The following TRAPPC2 variants were observed in gnomAD, a reference collection of about 807,000 sequenced individuals.
The protein encoded by TRAPPC2 is trafficking protein particle complex subunit 2.
In TRAPPC2, 4 loss-of-function variants were observed where a neutral mutation model predicts 10.0. The observed-to-expected ratio is 0.40, with a 90% CI of 0.20 to 0.92. TRAPPC2 has a LOEUF of 0.92. Among genes scored for constraint, TRAPPC2 ranks in the 40% least tolerant of loss-of-function variants. The pLI is 0.35. For synonymous variants in TRAPPC2, 36 were observed against 37.3 expected (o/e 0.97, Z 0.12); for missense variants, 52 against 108.7 (o/e 0.48, Z 2.32).
chrX:13,715,126 A>T (rs970879057), intron 5 of TRAPPC2, among the ~76,000 whole-genome samples: 3 of 112,903 alleles, frequency 2.7e-5, no homozygotes, highest in African/African-American at 9.7e-5. Flanking sequence ...AAATTGTATT[A>T]CTGTGCTGAT....
At chrX:13,714,810 TG>T (rs2046261395) in intron 5 of TRAPPC2, among the ~76,000 whole-genome samples, 1 of 112,128 alleles carries the variant, frequency 8.9e-6, no homozygotes, top group Non-Finnish European at 1.9e-5. Flanking sequence ...TATAAATAAA[TG>T]GATTAATCTC....
intron 2 of TRAPPC2, among the ~76,000 whole-genome samples, chrX:13,726,719 G>T (rs767850848): frequency 5.4e-5 from 6 of 111,536 alleles, no homozygotes; most frequent in Non-Finnish European, 7.5e-5. Context: ...AATAACCAGC[G>T]AACATCATAA....
chrX:13,722,750 A>G (rs770264245), intron 2 of TRAPPC2, among the ~76,000 whole-genome samples: 79 of 112,086 alleles, frequency 7.0e-4, no homozygotes, highest in Admixed American at 1.1e-3. Context: ...CCAATATGTG[A>G]GCTAGTGTGC....
chrX:13,721,331 TTATG>T (rs2046402228), intron 2 of TRAPPC2: 1 of 112,393 alleles, frequency 8.9e-6, no homozygotes, highest in Non-Finnish European at 1.9e-5. Flanking sequence ...CTGTAGCACC[TTATG>T]GTGCACTTAT....
At chrX:13,725,601 G>A (rs186570250) in intron 2 of TRAPPC2, among the ~76,000 whole-genome samples, 1 of 112,341 alleles carries the variant, frequency 8.9e-6, no homozygotes, top group East Asian at 2.8e-4. Context: ...CCCATCTGTA[G>A]GTCACCAACA....
chrX:13,730,611 A>T (rs987272578), intron 2 of TRAPPC2, among the ~76,000 whole-genome samples: 3 of 111,847 alleles, frequency 2.7e-5, no homozygotes, highest in African/African-American at 9.8e-5. Context: ...TAAAGACACA[A>T]GCACACGTAT....
chrX:13,720,584 A>G (rs2046386662), intron 2 of TRAPPC2: 1 of 112,420 alleles, frequency 8.9e-6, no homozygotes, highest in African/African-American at 3.2e-5. Context: ...TGTGCTATAA[A>G]TGTAAGTCTT....
At chrX:13,731,159 A>G (rs1204899751) in intron 2 of TRAPPC2, among the ~76,000 whole-genome samples, 4 of 112,481 alleles carry the variant, frequency 3.6e-5, no homozygotes, top group East Asian at 5.5e-4. Context: ...ATGTGATTGC[A>G]TAACTGCTGA....
chrX:13,728,819 T>C (rs1292000173), intron 2 of TRAPPC2, among the ~76,000 whole-genome samples: 3 of 112,142 alleles, frequency 2.7e-5, no homozygotes. Context: ...TTGTCCCTGT[T>C]TGCAGATGAC....
intron 2 of TRAPPC2, among the ~76,000 whole-genome samples, chrX:13,727,072 A>T (rs1046996205): frequency 9.8e-5 from 11 of 112,244 alleles, no homozygotes; most frequent in Non-Finnish European, 2.1e-4. Context: ...CTAAATATAT[A>T]TGCACCCAAT....
intron 2 of TRAPPC2, among the ~76,000 whole-genome samples, chrX:13,723,278 C>T (rs1231800294): frequency 9.0e-6 from 1 of 110,913 alleles, no homozygotes; most frequent in South Asian, 3.8e-4. Flanking sequence ...GGAGATTCTC[C>T]TGCCTCAGCC....
At position 13,734,595 on chromosome X, in the gene TRAPPC2, A is replaced by G; in HGVS notation, c.-232T>C. The G allele has an allele frequency of 2.9e-6, 2 of 697,749 alleles. No homozygotes were observed. The highest frequency in any genetic ancestry group is 2.2e-5 in the African/African-American group (1 of 44,467). The allele number at this position is 697,749 out of a possible 1,213,427, so 57.5% of individuals were successfully genotyped here. On this transcript the variant is annotated 5_prime_UTR_variant, in exon 1 of 6. Transcript: ENST00000380579. ...GAAGAGACCCGCGCCCCGAACCTGTAGCCAGAACGCCGAAGCAGTTCTCGC... is the reference window on the plus strand; with the variant it reads ...GAAGAGACCCGCGCCCCGAACCTGTGGCCAGAACGCCGAAGCAGTTCTCGC...
At chrX:13,718,422 C>T (rs2046340109) in intron 3 of TRAPPC2, among the ~76,000 whole-genome samples, 1 of 112,754 alleles carries the variant, frequency 8.9e-6, no homozygotes, top group Admixed American at 9.4e-5. Context: ...AAACTGAAAA[C>T]GCTTTAAGAA....
chrX:13,728,763 A>G (rs1017969947), intron 2 of TRAPPC2, among the ~76,000 whole-genome samples: 2 of 112,052 alleles, frequency 1.8e-5, no homozygotes, highest in Non-Finnish European at 3.8e-5. Context: ...CAATCAGGCA[A>G]GAGAAAGAAC....
In TRAPPC2 at chrX:13,712,355, A is replaced by G. The variant is rs1251656319; in HGVS notation, c.*2052T>C. On this transcript the variant is annotated 3_prime_UTR_variant, in exon 6 of 6. Transcript: ENST00000380579. ...CTTGCTCAAAAGTTACTCAGAATGG[A>G]ACAAAATTGTTCAAGTGCTCCCAAT... 1 of 112,420 alleles carries G rather than the reference A, an allele frequency of 8.9e-6. No homozygotes were observed. Among genetic ancestry groups the G allele is most frequent in the Non-Finnish European group, 1.9e-5 (1 of 53,319 alleles). 9.3% of individuals were successfully genotyped at this position (112,420 alleles called of 1,213,427 possible). A position where few individuals can be genotyped will look rare whatever the true frequency, so the allele number is the denominator to read the frequency against.
intron 2 of TRAPPC2, among the ~76,000 whole-genome samples, chrX:13,729,869 T>C (rs962456901): frequency 9.9e-5 from 11 of 111,354 alleles, no homozygotes; most frequent in Non-Finnish European, 1.7e-4. Flanking sequence ...GATTGCACCA[T>C]TGCACTCCAG....
chrX:13,717,034 TAAAAAAAAAAAAAAA>T (rs1175025577), intron 3 of TRAPPC2, among the ~76,000 whole-genome samples: 27 of 37,942 alleles, frequency 7.1e-4, no homozygotes, highest in Non-Finnish European at 9.1e-4. Flanking sequence ...GATACTATGT[TAAAAAAAAAAAAAAA>T]AAAAAAAAAA....
chrX:13,714,691 G>C (rs1371108217), intron 5 of TRAPPC2, among the ~76,000 whole-genome samples, 186 bp from the exon 6 acceptor site: 3 of 112,392 alleles, frequency 2.7e-5, no homozygotes, highest in African/African-American at 9.7e-5. Context: ...TTATTTTGGT[G>C]TTTTGGTTTT....
At chrX:13,731,015 A>G (rs1370946247) in intron 2 of TRAPPC2, among the ~76,000 whole-genome samples, 1 of 111,568 alleles carries the variant, frequency 9.0e-6, no homozygotes, top group East Asian at 2.8e-4. Context: ...ATGTATACCT[A>G]TGTATCAAAC....
Sources: allele counts gnomAD v4.1 joint callset (sites outside exome capture counted in the v4.1 genomes callset), GRCh38; gene constraint gnomAD v4.1.1; transcripts MANE v1.5; gene names NCBI Gene and HGNC (gene_info 2026-07-23, HGNC 2026-07-21).